TDRD1: variants seen among roughly 807,000 people sequenced by gnomAD.
TDRD1 encodes tudor domain-containing protein 1.
A neutral mutation model predicts 140.6 loss-of-function variants in TDRD1; 37 were observed. The observed-to-expected ratio is 0.26, with a 90% CI of 0.20 to 0.35. The LOEUF (loss-of-function observed/expected upper bound fraction) is 0.35. TDRD1 is among the 10% of genes least tolerant of loss of function. The pLI, the probability that TDRD1 is intolerant of heterozygous loss-of-function variation, is 1.00. For missense variants in TDRD1, 1,243 were observed against 1,393.0 expected, an observed-to-expected ratio of 0.89 and a Z score of 1.71; for synonymous variants, 506 against 475.7, an observed-to-expected ratio of 1.06 and a Z score of -0.83.
intron 1 of TDRD1, among the ~76,000 whole-genome samples, chr10:114,187,184 A>G (rs2033603819): frequency 6.6e-6 from 1 of 152,168 alleles, no homozygotes. Context: ...TTTCAGAGAA[A>G]GATGCATAGA....
intron 23 of TDRD1, 38 bp from the exon 24 acceptor site, chr10:114,227,872 A>G (rs200268007): frequency 7.2e-4 from 1,127 of 1,557,664 alleles, no homozygotes; most frequent in Non-Finnish European, 9.5e-4. Context: ...TCTTTACATT[A>G]TGTGTTATCT....
At chr10:114,199,376 T>C (rs2034578380) in intron 4 of TDRD1, 59 bp downstream of exon 4, 14 of 1,550,172 alleles carry the variant, frequency 9.0e-6, no homozygotes, top group Non-Finnish European at 1.2e-5. Context: ...AAAACATTTT[T>C]ATTGTGGCAG....
chr10:114,217,895 A>T lies in TDRD1; in HGVS notation c.2323+240A>T, dbSNP rs148072458. ...GCTTTTCTTTCCAGAATTTCTGTTAATATTAAAATAACTTAGCTCATGGAA... is the reference window on the plus strand; with the variant it reads ...GCTTTTCTTTCCAGAATTTCTGTTATTATTAAAATAACTTAGCTCATGGAA... On this transcript the variant is annotated intron_variant, in intron 17 of 25. Coordinates refer to ENST00000251864, the Ensembl canonical transcript of TDRD1. Among the ~76,000 whole-genome samples, 22 of 152,272 alleles carry T rather than the reference A, an allele frequency of 1.4e-4. No homozygotes were observed. In the East Asian group the frequency reaches 4.0e-3, roughly 28 times the overall value.
At chr10:114,195,866 T>C (rs1412687537) in intron 3 of TDRD1, among the ~76,000 whole-genome samples, 1 of 152,218 alleles carries the variant, frequency 6.6e-6, no homozygotes, top group African/African-American at 2.4e-5. Flanking sequence ...TTTCAGTAAT[T>C]TTGATTTTTA....
chr10:114,230,057 T>C (rs1404607329), intron 25 of TDRD1, among the ~76,000 whole-genome samples: 1 of 152,150 alleles, frequency 6.6e-6, no homozygotes, highest in Non-Finnish European at 1.5e-5. Context: ...GGTCTCGATC[T>C]CCTGACCTCG....
At chr10:114,178,878 A>C (rs897783464), upstream of TDRD1, among the ~76,000 whole-genome samples, 21 of 152,248 alleles carry the variant, frequency 1.4e-4, no homozygotes, top group Admixed American at 4.6e-4. Flanking sequence ...AAAAAAAAAA[A>C]AAAACAAAAC....
At chr10:114,223,520 T>TG (rs2036266249) in intron 21 of TDRD1, among the ~76,000 whole-genome samples, 1 of 152,226 alleles carries the variant, frequency 6.6e-6, no homozygotes. Context: ...TTGTTTTTGT[T>TG]GGGGAGCACA....
At chr10:114,226,626 A>G (rs1360171088) in intron 22 of TDRD1, among the ~76,000 whole-genome samples, 1 of 152,204 alleles carries the variant, frequency 6.6e-6, no homozygotes, top group Non-Finnish European at 1.5e-5. Context: ...TGGCTACCTT[A>G]TGAAAGATAA....
chr10:114,192,321 T>C (rs1401809316), intron 3 of TDRD1, among the ~76,000 whole-genome samples: 1 of 137,836 alleles, frequency 7.3e-6, no homozygotes, highest in African/African-American at 2.6e-5. Flanking sequence ...TTTTTTTTTT[T>C]GAGACGGAGT....
At chr10:114,186,214 CAG>C (rs2033509191) in intron 1 of TDRD1, among the ~76,000 whole-genome samples, 1 of 152,098 alleles carries the variant, frequency 6.6e-6, no homozygotes, top group Non-Finnish European at 1.5e-5. Context: ...ATTTCTTATA[CAG>C]AGTCTAGACT....
chr10:114,192,564 G>T (rs142077484), intron 3 of TDRD1, among the ~76,000 whole-genome samples: 1 of 151,890 alleles, frequency 6.6e-6, no homozygotes, highest in East Asian at 1.9e-4. Context: ...CCTCGGCCTC[G>T]CAAAGTGCTA....
At chr10:114,231,550 G>C in exon 26 of TDRD1, 7 of 1,551,168 alleles carry the variant, frequency 4.5e-6, no homozygotes, top group Admixed American at 2.0e-5. Context: ...CTTTAGGAGA[G>C]AAAGTACAGC....
At chr10:114,228,143 G>A (rs368170490) in intron 25 of TDRD1, 147 of 1,557,934 alleles carry the variant, frequency 9.4e-5, no homozygotes, top group Non-Finnish European at 2.9e-5. Flanking sequence ...AAGTTAAATC[G>A]TATGTTTTCG....
upstream of TDRD1, among the ~76,000 whole-genome samples, chr10:114,176,343 C>G (rs1230773639): frequency 6.7e-6 from 1 of 149,824 alleles, no homozygotes; most frequent in African/African-American, 2.5e-5. The surrounding 1 kb of genome is among the most constrained non-coding windows in gnomAD (Gnocchi z 4.2). Context: ...AAGAGAAGTA[C>G]AGGATTTAAA....
intron 25 of TDRD1, chr10:114,228,964 A>T (rs113298043): frequency 0.17 from 29,800 of 178,776 alleles, 2,768 homozygotes; most frequent in African/African-American, 0.24. Context: ...ACACCTGTTA[A>T]CCCAGCTACT....
At chr10:114,184,683 G>T (rs148104896) in intron 1 of TDRD1, among the ~76,000 whole-genome samples, 10 of 152,242 alleles carry the variant, frequency 6.6e-5, no homozygotes, top group Non-Finnish European at 1.3e-4. Context: ...TTTTGAAAAG[G>T]TATCAAATTT....
Position 114,227,891 on chromosome 10 carries a change from A to G in TDRD1, c.3404-19A>G. ...TACATTATGTGTTATCTAATGGCTTATTTTTCTTGTGCTTTTAGAAAAGAT... is the reference window on the plus strand; with the variant it reads ...TACATTATGTGTTATCTAATGGCTTGTTTTTCTTGTGCTTTTAGAAAAGAT... On this transcript the variant is annotated intron_variant, in intron 23 of 25. Coordinates refer to ENST00000251864, the Ensembl canonical transcript of TDRD1. The G allele has an allele frequency of 2.5e-6, 4 of 1,608,850 alleles. No homozygotes were observed. The highest frequency in any genetic ancestry group is 1.1e-5 in the South Asian group (1 of 90,830).
intron 19 of TDRD1, 36 bp from the exon 20 acceptor site, chr10:114,221,321 T>A (rs773591474): frequency 4.4e-6 from 7 of 1,599,014 alleles, no homozygotes; most frequent in South Asian, 1.1e-5. Context: ...ACATTTTTTT[T>A]ATTCCGTGTG....
chr10:114,226,532 A>G (rs1281205144), intron 22 of TDRD1, among the ~76,000 whole-genome samples: 1 of 152,210 alleles, frequency 6.6e-6, no homozygotes, highest in Non-Finnish European at 1.5e-5. Context: ...TCTGTGAACC[A>G]GGGTGTCTGA....
Sources: allele counts gnomAD v4.1 joint callset (sites outside exome capture counted in the v4.1 genomes callset), GRCh38; gene constraint gnomAD v4.1.1; non-coding constraint Gnocchi (gnomAD v3.1); transcripts MANE v1.5; gene names NCBI Gene and HGNC (gene_info 2026-07-23, HGNC 2026-07-21).